LRRC75A: variants seen among roughly 807,000 people sequenced by gnomAD.
The protein encoded by LRRC75A is leucine-rich repeat-containing protein 75A.
A neutral mutation model predicts 26.0 loss-of-function variants in LRRC75A; 12 were observed. The ratio of observed to expected loss-of-function variants is 0.46; its 90% CI spans 0.30 to 0.75. LRRC75A has a LOEUF of 0.75. Among genes scored for constraint, LRRC75A ranks in the 30% least tolerant of loss-of-function variants. The probability of loss-of-function intolerance (pLI) is 0.08; values close to 1 mark genes in which losing one functional copy is unlikely to be tolerated. For missense variants in LRRC75A, 410 were observed against 486.6 expected, an observed-to-expected ratio of 0.84 and a Z score of 1.48; for synonymous variants, 223 against 219.3, an observed-to-expected ratio of 1.02 and a Z score of -0.15.
chr17:16,491,753 G>A lies in LRRC75A; in HGVS notation c.238C>T (p.Leu80=), dbSNP rs1412736036. ...CCCCTCCCCGCGCTCACCTGGCGCA[G>A]GTGCTGCAGCAGCGTCCCCGCCTCC... ...REEAGTLLQH[L]RQDLGMESTS... Residue 80 remains leucine, a synonymous_variant, in exon 1 of 4, where the codon CTG becomes TTG. Coordinates refer to ENST00000470794, the MANE Select transcript of LRRC75A (RefSeq NM_001113567.3). The surrounding 1 kb of genome is among the most constrained non-coding windows in gnomAD (Gnocchi z 5.9). The A allele has an allele frequency of 3.6e-6, 5 of 1,403,488 alleles. No homozygotes were observed. The highest frequency in any genetic ancestry group is 6.5e-5 in the East Asian group (2 of 30,848). 86.9% of individuals were successfully genotyped at this position (1,403,488 alleles called of 1,614,324 possible).
intron 1 of LRRC75A, among the ~76,000 whole-genome samples, chr17:16,485,301 G>A (rs749472670): frequency 6.6e-6 from 1 of 152,194 alleles, no homozygotes; most frequent in East Asian, 1.9e-4. Flanking sequence ...CCCCCAAGGT[G>A]ATGGTATCGG....
chr17:16,477,754 CT>C (rs1320414777), intron 1 of LRRC75A, among the ~76,000 whole-genome samples: 3 of 152,156 alleles, frequency 2.0e-5, no homozygotes, highest in Non-Finnish European at 4.4e-5. Flanking sequence ...TCTTAGGGCC[CT>C]GCTTCTCAGG....
chr17:16,447,788 G>A (rs1386573414), intron 3 of LRRC75A, 57 bp downstream of exon 3: 2 of 1,312,252 alleles, frequency 1.5e-6, no homozygotes, highest in African/African-American at 1.5e-5. Context: ...CCTGGGAGGG[G>A]TGCCCTGTAA....
intron 1 of LRRC75A, among the ~76,000 whole-genome samples, chr17:16,475,940 C>T (rs1471121233): frequency 6.6e-6 from 1 of 152,068 alleles, no homozygotes; most frequent in Non-Finnish European, 1.5e-5. Context: ...TGCCTGTAAT[C>T]CCAGCACTTT....
chr17:16,466,405 A>G (rs1336471758), intron 1 of LRRC75A, among the ~76,000 whole-genome samples: 3 of 152,270 alleles, frequency 2.0e-5, no homozygotes, highest in African/African-American at 7.2e-5. Context: ...TGGAAGAATC[A>G]GATCCAGGTG....
At position 16,451,487 on chromosome 17, in the gene LRRC75A, G is replaced by A. The variant is rs544366285; in HGVS notation, c.376-3527C>T. On this transcript the variant is annotated intron_variant, in intron 2 of 3. Transcript: ENST00000470794. The stretch of plus-strand genomic sequence containing the variant: ...AATACAAAAATTAGCTGGGCGTGAC[G>A]GCGGGCGCCTGTGATCCCAGCTGCT... Among the ~76,000 whole-genome samples, 207 of 152,038 alleles carry A rather than the reference G, an allele frequency of 1.4e-3. 1 individual carries two copies. Among genetic ancestry groups the A allele is most frequent in the Middle Eastern group, 0.01 (3 of 294 alleles).
At chr17:16,483,961 T>C (rs1037649294) in intron 1 of LRRC75A, among the ~76,000 whole-genome samples, 1 of 152,244 alleles carries the variant, frequency 6.6e-6, no homozygotes, top group African/African-American at 2.4e-5. Flanking sequence ...AATTTTCTCA[T>C]TTTTCTATAA....
intron 2 of LRRC75A, among the ~76,000 whole-genome samples, chr17:16,457,730 C>T (rs1331710612): frequency 1.3e-5 from 2 of 151,986 alleles, no homozygotes; most frequent in South Asian, 2.1e-4. Flanking sequence ...CTTTGGGAGG[C>T]CAAGGGAGGG....
rs1465560922 is a variant in LRRC75A, at chr17:16,482,611, T to C, written c.246+9134A>G. Among the ~76,000 whole-genome samples the C allele has an allele frequency of 2.0e-5, 3 of 152,298 alleles. No individual in the cohort carries two copies. The East Asian group carries it at 5.8e-4, about 29-fold the overall frequency. On this transcript the variant is annotated intron_variant, in intron 1 of 3. Transcript: ENST00000470794. ...GCCTGTGTCCACTCATGAGCCCCAC[T>C]GAGGAAAGGGGTTTGCCCAGCAGCC...
intron 1 of LRRC75A, among the ~76,000 whole-genome samples, chr17:16,464,707 G>A (rs1216957080): frequency 6.6e-6 from 1 of 152,214 alleles, no homozygotes; most frequent in Non-Finnish European, 1.5e-5. Flanking sequence ...AGGGCTGGGC[G>A]GGGACCTGAG....
intron 2 of LRRC75A, among the ~76,000 whole-genome samples, chr17:16,448,965 T>A (rs2093609082): frequency 6.6e-6 from 1 of 152,126 alleles, no homozygotes; most frequent in African/African-American, 2.4e-5. Context: ...TCCAACTACA[T>A]CCCTAGGAAA....
chr17:16,476,937 A>T (rs1211827966), intron 1 of LRRC75A, among the ~76,000 whole-genome samples: 2 of 151,264 alleles, frequency 1.3e-5, no homozygotes, highest in Admixed American at 1.3e-4. Flanking sequence ...ACGGGGTTTC[A>T]CCGTGTTAGC....
intron 1 of LRRC75A, among the ~76,000 whole-genome samples, chr17:16,487,333 C>T (rs555658027): frequency 7.1e-4 from 108 of 152,298 alleles, no homozygotes; most frequent in African/African-American, 2.5e-3. Context: ...AAAAAGGTGA[C>T]CTTCTGAGGT....
Position 16,447,913 on chromosome 17 carries a change from T to C in LRRC75A, c.423A>G (p.Thr141=). ...ACTGGGAGTGGGGGCTGAGGTGGTA[T>C]GTCAGCTGCCGGCACAGCTTCTCCA... is the stretch of plus-strand genomic sequence containing the variant. ...GAMEKLCRQL[T]YHLSPHSQWR... The change falls in exon 3 of 4, where the codon ACA becomes ACG. Residue 141 remains threonine (T), a synonymous_variant. Coordinates refer to ENST00000470794, the MANE Select transcript of LRRC75A (RefSeq NM_001113567.3). 1 of 1,550,878 alleles carries C rather than the reference T, an allele frequency of 6.4e-7. No individual in the cohort carries two copies.
At chr17:16,451,889 C>G (rs765283409) in intron 2 of LRRC75A, among the ~76,000 whole-genome samples, 1 of 150,262 alleles carries the variant, frequency 6.7e-6, no homozygotes, top group Non-Finnish European at 1.5e-5. Context: ...GGACTACAGG[C>G]GCCCGCCAAC....
chr17:16,485,943 AC>A (rs952270298), intron 1 of LRRC75A, among the ~76,000 whole-genome samples: 1 of 152,066 alleles, frequency 6.6e-6, no homozygotes, highest in African/African-American at 2.4e-5. Context: ...CTTCCACCCC[AC>A]AGGTTACAGC....
chr17:16,473,016 C>T (rs970747135), intron 1 of LRRC75A, among the ~76,000 whole-genome samples: 2 of 152,010 alleles, frequency 1.3e-5, no homozygotes, highest in Non-Finnish European at 2.9e-5. Flanking sequence ...GGACTAGATT[C>T]GTGAGGGGAA....
At chr17:16,490,756 C>T (rs1293461185) in intron 1 of LRRC75A, among the ~76,000 whole-genome samples, 2 of 152,154 alleles carry the variant, frequency 1.3e-5, no homozygotes, top group Admixed American at 6.5e-5. Context: ...CCTCTGCCAT[C>T]CACGGTAGAC....
At chr17:16,471,752 C>T (rs1048582876) in intron 1 of LRRC75A, among the ~76,000 whole-genome samples, 4 of 152,172 alleles carry the variant, frequency 2.6e-5, no homozygotes, top group African/African-American at 4.8e-5. Flanking sequence ...ACACTGTCCA[C>T]GACAAGGATG....
Sources: allele counts gnomAD v4.1 joint callset (sites outside exome capture counted in the v4.1 genomes callset), GRCh38; gene constraint gnomAD v4.1.1; non-coding constraint Gnocchi (gnomAD v3.1); transcripts MANE v1.5; gene names NCBI Gene and HGNC (gene_info 2026-07-23, HGNC 2026-07-21).